The following SCAF4 variants were observed in gnomAD, a reference collection of about 807,000 sequenced individuals.
SCAF4 encodes the protein SR-related CTD associated factor 4, also known as SR-related and CTD-associated factor 4.
SCAF4 carries 25 observed loss-of-function variants against 129.8 expected under a neutral mutation model. That is an observed-to-expected ratio of 0.19 (90% CI 0.14 to 0.27). SCAF4 has a LOEUF of 0.27. Ranked by LOEUF, SCAF4 falls within the 10% of genes least tolerant of loss-of-function variation. The pLI is 1.00. For synonymous variants in SCAF4, 551 were observed against 497.7 expected (o/e 1.11, Z -1.43); for missense variants, 1,246 against 1,457.1 (o/e 0.86, Z 2.36).
At chr21:31,700,631 T>G (rs1601228036) in intron 7 of SCAF4, 1 of 278,050 alleles carries the variant, frequency 3.6e-6, no homozygotes, top group East Asian at 9.7e-5. Flanking sequence ...GAAAAGCATG[T>G]ATCTGTAGGA....
rs186429682 is a variant in SCAF4, at chr21:31,705,939, G to A, written c.114+335C>T. Reference sequence around the variant, plus strand: ...CTGCTTTGAGGCTGGGCGTGGTGGCGCACACCTGTAATCTCAGCTACTCAG... The same window carrying A: ...CTGCTTTGAGGCTGGGCGTGGTGGCACACACCTGTAATCTCAGCTACTCAG... On this transcript the variant is annotated intron_variant, in intron 2 of 19. Transcript: ENST00000286835. Among the ~76,000 whole-genome samples the A allele has an allele frequency of 7.1e-3, 1,083 of 152,288 alleles. 4 individuals are homozygous for A. The highest frequency in any genetic ancestry group is 0.017 in the Middle Eastern group (5 of 294).
At chr21:31,714,069 C>G (rs2050867937) in intron 1 of SCAF4, among the ~76,000 whole-genome samples, 1 of 152,090 alleles carries the variant, frequency 6.6e-6, no homozygotes, top group African/African-American at 2.4e-5. Context: ...ATGCAGATGA[C>G]TCTGGGCAAA....
Position 31,696,552 on chromosome 21 carries a change from T to TAA in SCAF4, c.959+15_959+16dup, listed in dbSNP as rs757298175. 1.5e-4 allele frequency: 181 copies of TAA among 1,190,034 alleles called. No individual in the cohort carries two copies. Among genetic ancestry groups the TAA allele is most frequent in the South Asian group, 2.8e-4 (18 of 64,804 alleles). 73.7% of individuals were successfully genotyped at this position (1,190,034 alleles called of 1,614,324 possible). On this transcript the variant is annotated intron_variant, in intron 8 of 19. Transcript: ENST00000286835. ...TACCAATTTTCTATCTGCTGAGGAATAAAAAAAAAAACTAACAATGGTGCC... is the reference window on the plus strand; with the variant it reads ...TACCAATTTTCTATCTGCTGAGGAATAAAAAAAAAAAAACTAACAATGGTGCC...
At chr21:31,678,097 A>T (rs1467955888) in intron 19 of SCAF4, among the ~76,000 whole-genome samples, 2 of 152,142 alleles carry the variant, frequency 1.3e-5, no homozygotes, top group Non-Finnish European at 2.9e-5. Flanking sequence ...GCGGCTTTAA[A>T]TATTATCTTT....
chr21:31,693,248 A>C (rs755634402), intron 12 of SCAF4, 46 bp downstream of exon 12: 9 of 1,299,070 alleles, frequency 6.9e-6, no homozygotes, highest in Non-Finnish European at 9.1e-6. Context: ...TAAACCCAAG[A>C]CATGAAAAAA....
chr21:31,714,162 C>A (rs898137150), intron 1 of SCAF4, among the ~76,000 whole-genome samples: 1 of 152,014 alleles, frequency 6.6e-6, no homozygotes, highest in Non-Finnish European at 1.5e-5. Context: ...TCAGTTAGAA[C>A]TAAATGAGTT....
intron 1 of SCAF4, among the ~76,000 whole-genome samples, chr21:31,723,062 T>C (rs375985579): frequency 8.5e-4 from 130 of 152,362 alleles, no homozygotes; most frequent in African/African-American, 2.7e-3. Context: ...CAGTATGATG[T>C]TTAAAACTTC....
At chr21:31,682,252 G>T (rs1270694894) in intron 19 of SCAF4, among the ~76,000 whole-genome samples, 2 of 151,936 alleles carry the variant, frequency 1.3e-5, no homozygotes, top group Non-Finnish European at 2.9e-5. Flanking sequence ...GGTGGCACGC[G>T]CCTGTAGTCC....
chr21:31,684,388 A>G (rs552955921), intron 19 of SCAF4: 1 of 152,368 alleles, frequency 6.6e-6, no homozygotes, highest in Non-Finnish European at 1.5e-5. Flanking sequence ...GGCAAGAGTA[A>G]GCCTGCTTAA....
At chr21:31,703,690 G>A (rs1406807375) in intron 4 of SCAF4, 75 bp downstream of exon 4, 1 of 789,480 alleles carries the variant, frequency 1.3e-6, no homozygotes, top group Non-Finnish European at 1.9e-6. Context: ...AATATAGTAG[G>A]CTCCAAATAT....
At position 31,671,440 on chromosome 21, in the gene SCAF4, G is replaced by A. The variant is rs1253950824; in HGVS notation, c.3403C>T (p.Pro1135Ser). ...LPAEATSSVE[P>S]EKDSGSAAEA... ...GCTGCTGAGCCAGAATCCTTTTCGG[G>A]TTCAACGGATGAGGTAGCCTCAGCA... is the stretch of plus-strand genomic sequence containing the variant. The change falls in exon 20 of 20, where the codon CCC becomes TCC. Residue 1135 changes from proline (P) to serine (S), a missense_variant. By Grantham distance (74) the Pro-to-Ser change is moderately conservative. Coordinates refer to ENST00000286835, the MANE Select transcript of SCAF4 (RefSeq NM_020706.2). 1.2e-6 allele frequency: 2 copies of A among 1,613,918 alleles called. No individual in the cohort carries two copies. Among genetic ancestry groups the A allele is most frequent in the African/African-American group, 1.3e-5 (1 of 74,902 alleles).
chr21:31,723,621 TGTGTGTGTGC>T (rs1366978869), intron 1 of SCAF4, among the ~76,000 whole-genome samples: 15 of 142,276 alleles, frequency 1.1e-4, no homozygotes, highest in African/African-American at 3.7e-4. Context: ...TGTGTGTGTG[TGTGTGTGTGC>T]GCGCGCGCGC....
intron 19 of SCAF4, among the ~76,000 whole-genome samples, chr21:31,676,933 A>G (rs1464803182): frequency 6.6e-6 from 1 of 152,146 alleles, no homozygotes; most frequent in Non-Finnish European, 1.5e-5. Flanking sequence ...AACATTCTGT[A>G]TAAATGGAAT....
At chr21:31,700,574 A>G (rs376274509) in intron 7 of SCAF4, among the ~76,000 whole-genome samples, 154 of 152,302 alleles carry the variant, frequency 1.0e-3, no homozygotes, top group African/African-American at 3.2e-3. Context: ...AAAAGATACA[A>G]GAGTATTAAC....
intron 1 of SCAF4, among the ~76,000 whole-genome samples, chr21:31,713,742 G>C (rs1469950078): frequency 1.4e-5 from 2 of 143,600 alleles, no homozygotes; most frequent in Non-Finnish European, 3.1e-5. Context: ...GGGCAAACCG[G>C]AGCGGGGGTG....
intron 1 of SCAF4, among the ~76,000 whole-genome samples, chr21:31,722,738 G>A (rs958459579): frequency 6.6e-6 from 1 of 151,544 alleles, no homozygotes; most frequent in African/African-American, 2.4e-5. Flanking sequence ...GGTGGATCAC[G>A]AGGTCCAAGT....
intron 1 of SCAF4, among the ~76,000 whole-genome samples, chr21:31,709,051 T>C (rs1453546850): frequency 1.3e-5 from 2 of 152,124 alleles, no homozygotes; most frequent in Non-Finnish European, 2.9e-5. Flanking sequence ...AATCAAAGCT[T>C]TGTGTGAAAT....
Position 31,684,772 on chromosome 21 carries a change from A to G in SCAF4, c.2488+277T>C, listed in dbSNP as rs534501617. On this transcript the variant is annotated intron_variant, in intron 19 of 19. Transcript: ENST00000286835. ...ACTTTTAATCATTTTTCTATACCAA[A>G]TAAGGATGTGAAGATCCAAACTTTT... 31 of 436,348 alleles carry G rather than the reference A, an allele frequency of 7.1e-5. No homozygotes were observed. The South Asian group carries it at 7.7e-4, about 11-fold the overall frequency. The allele number at this position is 436,348 out of a possible 1,614,324, so 27.0% of individuals were successfully genotyped here. A position where few individuals can be genotyped will look rare whatever the true frequency, so the allele number is the denominator to read the frequency against.
chr21:31,698,509 T>C (rs997941721), intron 7 of SCAF4, among the ~76,000 whole-genome samples: 1 of 152,198 alleles, frequency 6.6e-6, no homozygotes, highest in Non-Finnish European at 1.5e-5. Flanking sequence ...ACTGTTAATT[T>C]TGTGTCAACC....
Sources: gnomAD v4.1 joint callset for allele counts (sites outside exome capture counted in the v4.1 genomes callset) on GRCh38, gnomAD v4.1.1 for gene constraint, MANE v1.5 for transcripts, NCBI Gene and HGNC (gene_info 2026-07-23, HGNC 2026-07-21) for gene names.